Variants in DHRSX observed in about 807,000 individuals in gnomAD.
The protein encoded by DHRSX is polyprenol dehydrogenase.
In DHRSX, 31 loss-of-function variants were observed where a neutral mutation model predicts 34.0. That is an observed-to-expected ratio of 0.91 (90% CI 0.69 to 1.23). The LOEUF (loss-of-function observed/expected upper bound fraction) is 1.23, where lower values mean the gene tolerates loss of function less well. Among genes scored for constraint, DHRSX ranks in the 50% most tolerant of loss-of-function variants. The probability of loss-of-function intolerance (pLI) is 0.00; values close to 1 mark genes in which losing one functional copy is unlikely to be tolerated. For missense variants in DHRSX, 414 were observed against 428.1 expected (o/e 0.97, Z 0.29); for synonymous variants, 201 against 183.8 (o/e 1.09, Z -0.76).
At position 2,243,060 on chromosome X, in the gene DHRSX, C is replaced by T. The variant is rs1432291620; in HGVS notation, c.767G>A (p.Arg256His). ...DVYKHVFWAT[R>H]LAKKLLGWLL... ...CCAGCCGAGAAGCTTCTTCGCCAGACGGGTGGCCCAGAACACGTGCTTGTA... is the reference window on the plus strand; with the variant it reads ...CCAGCCGAGAAGCTTCTTCGCCAGATGGGTGGCCCAGAACACGTGCTTGTA... The change falls in exon 6 of 7, where the codon CGT becomes CAT. Residue 256 changes from arginine to histidine, a missense_variant. Coordinates refer to ENST00000334651, the MANE Select transcript of DHRSX (RefSeq NM_145177.3). 8.7e-6 allele frequency: 14 copies of T among 1,613,668 alleles called. No homozygotes were observed. In the Admixed American group the frequency reaches 1.3e-4, roughly 15 times the overall value.
At chrX:2,343,072 C>T (rs1240030516) in intron 3 of DHRSX, among the ~76,000 whole-genome samples, 3 of 152,088 alleles carry the variant, frequency 2.0e-5, no homozygotes, top group Non-Finnish European at 4.4e-5. Flanking sequence ...ACATTCCAAC[C>T]CTAAGATAAA....
chrX:2,322,945 A>G (rs1222017106), intron 3 of DHRSX, among the ~76,000 whole-genome samples: 1 of 151,696 alleles, frequency 6.6e-6, no homozygotes, highest in African/African-American at 2.4e-5. Flanking sequence ...TGTTTTTGAG[A>G]TGGAATCTTG....
At chrX:2,397,706 C>G (rs2043429430) in intron 3 of DHRSX, among the ~76,000 whole-genome samples, 1 of 152,080 alleles carries the variant, frequency 6.6e-6, no homozygotes, top group Non-Finnish European at 1.5e-5. Flanking sequence ...ATTTGTGCCT[C>G]TAAACCCACT....
At chrX:2,349,796 C>A (rs953869952) in intron 3 of DHRSX, among the ~76,000 whole-genome samples, 1 of 151,590 alleles carries the variant, frequency 6.6e-6, no homozygotes, top group Non-Finnish European at 1.5e-5. Context: ...AATTCCAGCA[C>A]TTTGGGAGGC....
At chrX:2,379,610 T>G (rs2043181417) in intron 3 of DHRSX, among the ~76,000 whole-genome samples, 2 of 150,096 alleles carry the variant, frequency 1.3e-5, no homozygotes, top group African/African-American at 4.9e-5. Context: ...TTTTTTTTTT[T>G]TTTTTTTTTA....
chrX:2,334,244 A>T (rs1338815479), intron 3 of DHRSX: 1 of 134,910 alleles, frequency 7.4e-6, no homozygotes, highest in Non-Finnish European at 1.5e-5. Flanking sequence ...GCTCACTGCA[A>T]CCTCCACCTC....
chrX:2,383,146 CCAT>C lies in DHRSX; in HGVS notation c.286+25596_286+25598del, dbSNP rs755180261. On this transcript the variant is annotated intron_variant, in intron 3 of 6. Transcript: ENST00000334651. ...ACCACCATTGTCATCACCATCATGA[CCAT>C]CATCATCACTGACCATCATCATCAT... is the stretch of plus-strand genomic sequence containing the variant. Among the ~76,000 whole-genome samples the C allele has an allele frequency of 1.7e-3, 257 of 150,214 alleles. 3 individuals carry two copies. The highest frequency in any genetic ancestry group is 5.9e-4 in the East Asian group (3 of 5,072).
chrX:2,461,578 G>T (rs1036188410), intron 1 of DHRSX, among the ~76,000 whole-genome samples: 10 of 152,158 alleles, frequency 6.6e-5, no homozygotes, highest in African/African-American at 2.2e-4. Context: ...CTCTCACTCT[G>T]GTGCCCAGGC....
Position 2,221,025 on chromosome X carries a change from A to T in DHRSX, c.*16T>A, listed in dbSNP as rs766860780. On this transcript the variant is annotated 3_prime_UTR_variant, in exon 7 of 7. Coordinates refer to ENST00000334651, the MANE Select transcript of DHRSX (RefSeq NM_145177.3). ...CAATGTGTTTCTTGGGGCAGCAGCT[A>T]TCCTGAGACAGGATATCACAGGGTC... is the stretch of plus-strand genomic sequence containing the variant. The T allele has an allele frequency of 4.3e-6, 7 of 1,612,454 alleles. No homozygotes were observed. The East Asian group carries it at 1.1e-4, about 26-fold the overall frequency.
In DHRSX at chrX:2,266,755, T is replaced by C. The variant is rs768739113; in HGVS notation, c.581A>G (p.Asp194Gly). ...ATHYVAELNM[D>G]DLQSSACYSP... ...GTGCACCTACCTGCTCTGAAGGTCA[T>C]CCATGTTCAGCTCAGCGACGTAATG... The change falls in exon 5 of 7, where the codon GAT (aspartate) becomes GGT (glycine). Residue 194 changes from aspartate to glycine, a missense_variant. Transcript: ENST00000334651. 2 of 1,613,990 alleles carry C rather than the reference T, an allele frequency of 1.2e-6. No homozygotes were observed. Among genetic ancestry groups the C allele is most frequent in the South Asian group, 2.2e-5 (2 of 91,078 alleles).
At chrX:2,445,239 G>A (rs1271689872) in intron 1 of DHRSX, among the ~76,000 whole-genome samples, 1 of 152,074 alleles carries the variant, frequency 6.6e-6, no homozygotes, top group Admixed American at 6.6e-5. Flanking sequence ...CAACTTTTAG[G>A]CAATTTCCGA....
intron 2 of DHRSX, among the ~76,000 whole-genome samples, chrX:2,418,489 T>C (rs2043725124): frequency 2.0e-5 from 3 of 152,172 alleles, no homozygotes; most frequent in Non-Finnish European, 4.4e-5. Flanking sequence ...AAATGGGGTG[T>C]TTTCTTCCTT....
chrX:2,308,345 T>C (rs2042124936), intron 3 of DHRSX, among the ~76,000 whole-genome samples: 2 of 151,868 alleles, frequency 1.3e-5, no homozygotes, highest in Admixed American at 1.3e-4. Flanking sequence ...AGATACAGAG[T>C]ATTAAAAAGG....
chrX:2,243,001 C>G (rs772000320), intron 6 of DHRSX, 22 bp downstream of exon 6: 1 of 1,607,456 alleles, frequency 6.2e-7, no homozygotes, highest in African/African-American at 1.3e-5. Flanking sequence ...AGCCGTGAAT[C>G]AGAGAAGCAG....
intron 3 of DHRSX, among the ~76,000 whole-genome samples, chrX:2,339,873 G>A (rs184828136): frequency 2.6e-5 from 4 of 151,968 alleles, no homozygotes; most frequent in African/African-American, 9.6e-5. Flanking sequence ...TAATCCTTTG[G>A]GTATATACTC....
At chrX:2,416,809 C>T (rs1195287852) in intron 2 of DHRSX, among the ~76,000 whole-genome samples, 1 of 152,022 alleles carries the variant, frequency 6.6e-6, no homozygotes, top group African/African-American at 2.4e-5. Context: ...CAGTTGGACC[C>T]AGGTTATAAT....
Position 2,493,021 on chromosome X carries a change from C to T in DHRSX, c.109+7796G>A, listed in dbSNP as rs368386277. Among the ~76,000 whole-genome samples the T allele has an allele frequency of 4.6e-3, 704 of 152,324 alleles. 4 individuals are homozygous for T. The highest frequency in any genetic ancestry group is 0.016 in the African/African-American group (684 of 41,574). ...CGCCCAGTGCTTTTTAGGGAGACGC[C>T]GCCACGTGCCAGGTGAGCTGGGCAT... On this transcript the variant is annotated intron_variant, in intron 1 of 6. Transcript: ENST00000334651.
intron 1 of DHRSX, among the ~76,000 whole-genome samples, chrX:2,476,109 T>C (rs1231383684): frequency 6.6e-6 from 1 of 152,148 alleles, no homozygotes; most frequent in Non-Finnish European, 1.5e-5. Flanking sequence ...AACAGACAGC[T>C]GGCCGCCATG....
chrX:2,364,552 T>A (rs2042975680), intron 3 of DHRSX, among the ~76,000 whole-genome samples: 1 of 152,230 alleles, frequency 6.6e-6, no homozygotes, highest in African/African-American at 2.4e-5. Context: ...AGAATATCTA[T>A]CGACCTATTT....
Sources: gnomAD v4.1 joint callset for allele counts (sites outside exome capture counted in the v4.1 genomes callset) on GRCh38, gnomAD v4.1.1 for gene constraint, MANE v1.5 for transcripts, NCBI Gene and HGNC (gene_info 2026-07-23, HGNC 2026-07-21) for gene names.